The following PCDHGB6 variants were observed in gnomAD, a reference collection of about 807,000 sequenced individuals.
PCDHGB6 encodes protocadherin gamma subfamily B, 6.
PCDHGB6 carries 51 observed loss-of-function variants against 59.1 expected under a neutral mutation model. The ratio of observed to expected loss-of-function variants is 0.86; its 90% confidence interval spans 0.69 to 1.09. PCDHGB6 has a LOEUF of 1.09. Among genes scored for constraint, PCDHGB6 ranks in the 50% least tolerant of loss-of-function variants. PCDHGB6 has a pLI of 0.00. For synonymous variants in PCDHGB6, 466 were observed against 495.1 expected (o/e 0.94, Z 0.78); for missense variants, 1,148 against 1,205.1 (o/e 0.95, Z 0.70).
At chr5:141,448,139 C>A (rs1486636157) in intron 1 of PCDHGB6, among the ~76,000 whole-genome samples, 1 of 151,884 alleles carries the variant, frequency 6.6e-6, no homozygotes, top group African/African-American at 2.4e-5. Context: ...CCTCACTATA[C>A]CTCAGACTCA....
Position 141,491,531 on chromosome 5 carries a change from T to G in PCDHGB6, c.2419-3276T>G, listed in dbSNP as rs532897059. On this transcript the variant is annotated intron_variant, in intron 1 of 3. Coordinates refer to ENST00000520790, the MANE Select transcript of PCDHGB6 (RefSeq NM_018926.3). This position sits in a 1 kb window ranked among gnomAD's most constrained non-coding sequence, Gnocchi z 6.9. ...ACGCTCAAGTACATGGAGGTGACGC[T>G]GCGGCCCACAGACTCGCAGAGCCAC... The G allele has an allele frequency of 6.2e-7, 1 of 1,614,044 alleles. No homozygotes were observed. The highest frequency in any genetic ancestry group is 1.7e-5 in the Admixed American group (1 of 60,028).
intron 1 of PCDHGB6, chr5:141,423,648 G>A (rs1291261924): frequency 2.5e-6 from 4 of 1,590,008 alleles, no homozygotes; most frequent in Middle Eastern, 1.7e-4. Flanking sequence ...AATGTGACCC[G>A]ACAAGTAATC....
At chr5:141,435,314 G>T (rs1490871069) in intron 1 of PCDHGB6, among the ~76,000 whole-genome samples, 6 of 152,006 alleles carry the variant, frequency 3.9e-5, no homozygotes, top group African/African-American at 9.7e-5. Flanking sequence ...AATCATTCAT[G>T]AACTTCCAAA....
At chr5:141,459,694 T>A (rs767389870) in intron 1 of PCDHGB6, among the ~76,000 whole-genome samples, 1 of 152,252 alleles carries the variant, frequency 6.6e-6, no homozygotes, top group Non-Finnish European at 1.5e-5. Context: ...AGCGTTCCGC[T>A]TGCTACATTT....
chr5:141,441,737 C>CG, intron 1 of PCDHGB6: 1 of 365,242 alleles, frequency 2.7e-6, no homozygotes, highest in South Asian at 2.2e-5. Flanking sequence ...AGGACTAGCT[C>CG]GCGCTCGGCG....
At position 141,482,865 on chromosome 5, in the gene PCDHGB6, A is replaced by G. The variant is rs557581796; in HGVS notation, c.2419-11942A>G. ...GGTGGGCAGATCACTTGAGGTCAGG[A>G]GTTTGAAACCAGCCTGGCCAACATG... On this transcript the variant is annotated intron_variant, in intron 1 of 3. Coordinates refer to ENST00000520790, the MANE Select transcript of PCDHGB6 (RefSeq NM_018926.3). Among the ~76,000 whole-genome samples, 66 of 152,206 alleles carry G rather than the reference A, an allele frequency of 4.3e-4. 1 individual carries two copies. Among genetic ancestry groups the G allele is most frequent in the African/African-American group, 1.5e-3 (61 of 41,516 alleles).
intron 1 of PCDHGB6, among the ~76,000 whole-genome samples, chr5:141,420,710 G>A (rs2096519301): frequency 6.6e-6 from 1 of 152,186 alleles, no homozygotes; most frequent in South Asian, 2.1e-4. Flanking sequence ...TTCCAGAAAT[G>A]TCGTTCCTTT....
chr5:141,505,591 G>C (rs2099846959), intron 3 of PCDHGB6, 110 bp downstream of exon 3: 2 of 1,570,280 alleles, frequency 1.3e-6, no homozygotes, highest in African/African-American at 2.7e-5. Flanking sequence ...AGTTTCTCCA[G>C]ATCTTTCGGC....
chr5:141,444,329 G>T (rs536314842), intron 1 of PCDHGB6, among the ~76,000 whole-genome samples: 1 of 151,792 alleles, frequency 6.6e-6, no homozygotes, highest in Admixed American at 6.6e-5. Context: ...GTGCCACCAC[G>T]CCCAGCTAAT....
intron 1 of PCDHGB6, chr5:141,414,906 A>C (rs749933537): frequency 6.2e-7 from 1 of 1,614,146 alleles, no homozygotes; most frequent in Admixed American, 1.7e-5. Context: ...ACGGTTCCAC[A>C]GGCGTGGAGC....
At chr5:141,463,335 A>G (rs565781645) in intron 1 of PCDHGB6, among the ~76,000 whole-genome samples, 3 of 149,628 alleles carry the variant, frequency 2.0e-5, no homozygotes, top group South Asian at 2.1e-4. Context: ...CAGCAAAACC[A>G]TGGTGTTATT....
rs1019219811 is a variant in PCDHGB6, at chr5:141,420,399, T to G, written c.2418+9779T>G. ...AGAGTTCGCAAAATATAGGTCAAAT[T>G]TATGGTTATCATTATTAAAACAAAA... On this transcript the variant is annotated intron_variant, in intron 1 of 3. Transcript: ENST00000520790. 5.6e-6 allele frequency: 7 copies of G among 1,257,080 alleles called. No individual in the cohort carries two copies. In the Admixed American group the frequency reaches 1.8e-4, roughly 32 times the overall value. 77.9% of individuals were successfully genotyped at this position (1,257,080 alleles called of 1,614,324 possible).
Position 141,511,908 on chromosome 5 carries a change from A to T in PCDHGB6, c.*735A>T, listed in dbSNP as rs528200582. The T allele has an allele frequency of 4.5e-5, 7 of 156,536 alleles. No homozygotes were observed. The highest frequency in any genetic ancestry group is 1.9e-4 in the East Asian group (1 of 5,250). The allele number at this position is 156,536 out of a possible 1,614,324, so 9.7% of individuals were successfully genotyped here. A position where few individuals can be genotyped will look rare whatever the true frequency, so the allele number is the denominator to read the frequency against. On this transcript the variant is annotated 3_prime_UTR_variant, in exon 4 of 4. Transcript: ENST00000520790. ...GACTTCCCCCACCTCCTCCTCAAAC[A>T]AGAGACTCCACTGCATGTTCCAAGA...
Position 141,476,966 on chromosome 5 carries a change from G to T in PCDHGB6, c.2419-17841G>T, listed in dbSNP as rs780645226. The T allele has an allele frequency of 6.2e-7, 1 of 1,614,152 alleles. No homozygotes were observed. Among genetic ancestry groups the T allele is most frequent in the Admixed American group, 1.7e-5 (1 of 60,032 alleles). On this transcript the variant is annotated intron_variant, in intron 1 of 3. Coordinates refer to ENST00000520790, the MANE Select transcript of PCDHGB6 (RefSeq NM_018926.3). The surrounding 1 kb of genome is among the most constrained non-coding windows in gnomAD (Gnocchi z 7.6). Reference sequence around the variant, plus strand: ...CAACGGTGAAATTATTTACTCCTTCGGCAGCCACAACCGCGCCGGCGTGCG... The same window carrying T: ...CAACGGTGAAATTATTTACTCCTTCTGCAGCCACAACCGCGCCGGCGTGCG...
At chr5:141,410,767 G>T in intron 1 of PCDHGB6, 147 bp downstream of exon 1, 6 of 942,270 alleles carry the variant, frequency 6.4e-6, no homozygotes, top group South Asian at 2.2e-5. Context: ...TTCAATTATA[G>T]TTTTCACTAT....
chr5:141,476,912 G>A lies in PCDHGB6; in HGVS notation c.2419-17895G>A, dbSNP rs1196222770. 1.9e-6 allele frequency: 3 copies of A among 1,614,098 alleles called. No homozygotes were observed. Among genetic ancestry groups the A allele is most frequent in the Non-Finnish European group, 2.5e-6 (3 of 1,180,048 alleles). On this transcript the variant is annotated intron_variant, in intron 1 of 3. Coordinates refer to ENST00000520790, the MANE Select transcript of PCDHGB6 (RefSeq NM_018926.3). The surrounding 1 kb of genome is among the most constrained non-coding windows in gnomAD (Gnocchi z 7.6). Reference sequence around the variant, plus strand: ...ACCCTCCGGCACGCGCGTGGTACAAGTCCTTGCAACGGATCTGGATGAAGG... The same window carrying A: ...ACCCTCCGGCACGCGCGTGGTACAAATCCTTGCAACGGATCTGGATGAAGG...
chr5:141,480,694 G>A (rs1446014656), intron 1 of PCDHGB6, among the ~76,000 whole-genome samples: 1 of 152,128 alleles, frequency 6.6e-6, no homozygotes, highest in Non-Finnish European at 1.5e-5. Flanking sequence ...TGAAACCCAG[G>A]CCACACCCCG....
chr5:141,465,546 T>C (rs572856697), intron 1 of PCDHGB6, among the ~76,000 whole-genome samples: 1 of 152,338 alleles, frequency 6.6e-6, no homozygotes, highest in South Asian at 2.1e-4. Context: ...GCATTTTTTC[T>C]GCTGAAGCTT....
chr5:141,428,388 C>A, intron 1 of PCDHGB6: 1 of 506,160 alleles, frequency 2.0e-6, no homozygotes, highest in African/African-American at 1.9e-5. Flanking sequence ...GCTCTTCCAG[C>A]CCCTCTGCCT....
Sources: allele counts gnomAD v4.1 joint callset (sites outside exome capture counted in the v4.1 genomes callset), GRCh38; gene constraint gnomAD v4.1.1; non-coding constraint Gnocchi (gnomAD v3.1); transcripts MANE v1.5; gene names NCBI Gene and HGNC (gene_info 2026-07-23, HGNC 2026-07-21).